Variants in KPRP observed in about 807,000 individuals in gnomAD.
KPRP encodes keratinocyte proline-rich protein.
For missense variants in KPRP, 820 were observed against 746.4 expected (o/e 1.10, Z -1.15); for synonymous variants, 282 against 276.9 (o/e 1.02, Z -0.18).
At chr1:152,760,926 AGTTCCC>A (rs2101563800) in exon 1 of KPRP, 1 of 1,613,572 alleles carries the variant, frequency 6.2e-7, no homozygotes. Context: ...CACCGCGGCC[AGTTCCC>A]CTTCCTCGCC....
exon 1 of KPRP, chr1:152,761,414 A>G: frequency 6.7e-7 from 1 of 1,497,456 alleles, no homozygotes; most frequent in Non-Finnish European, 8.9e-7. Flanking sequence ...TCTTGTTTGA[A>G]TCTCTCCAAA....
At position 152,760,853 on chromosome 1, in the gene KPRP, C is replaced by CTCTA; in HGVS notation, c.1266_1269dup (p.Pro424SerfsTer34). The CTCTA allele has an allele frequency of 6.2e-7, 1 of 1,614,178 alleles. No individual in the cohort carries two copies. ...ATAAGTCTAGAACCACGCCCGCGTC[C>CTCTA]TCTACCACGACAACTTTCAGAACCT... On this transcript the variant is annotated frameshift_variant, in exon 1 of 1. Transcript: ENST00000606109. LOFTEE classifies it low-confidence loss of function (END_TRUNC).
At position 152,761,119 on chromosome 1, in the gene KPRP, G is replaced by A. The variant is rs1289906978; in HGVS notation, c.1531G>A (p.Gly511Arg). The A allele has an allele frequency of 2.5e-6, 4 of 1,614,048 alleles. No homozygotes were observed. Among genetic ancestry groups the A allele is most frequent in the Non-Finnish European group, 3.4e-6 (4 of 1,180,040 alleles). The change falls in exon 1 of 1, where the codon GGA (glycine) becomes AGA (arginine). Residue 511 changes from glycine (G) to arginine (R), a missense_variant. Physicochemically the swap from Gly to Arg is moderately radical, Grantham distance 125. Transcript: ENST00000606109. ...GGGCCCAAATCCAGTTCCATACCCAGGAGACCTAGGCTGTCATGAGTCTAG... is the reference window on the plus strand; with the variant it reads ...GGGCCCAAATCCAGTTCCATACCCAAGAGACCTAGGCTGTCATGAGTCTAG...
chr1:152,761,259 G>A, exon 1 of KPRP: 1 of 1,614,198 alleles, frequency 6.2e-7, no homozygotes, highest in Non-Finnish European at 8.5e-7. Context: ...GGAGGGGTCA[G>A]GATGGCCATG....
chr1:152,760,467 C>G (rs1316225986), exon 1 of KPRP: 13 of 1,613,684 alleles, frequency 8.1e-6, no homozygotes, highest in Non-Finnish European at 1.1e-5. Context: ...GTTTCCCTAA[C>G]TACTGCACCC....
chr1:152,759,642 C>A, exon 1 of KPRP: 1 of 1,614,152 alleles, frequency 6.2e-7, no homozygotes, highest in Non-Finnish European at 8.5e-7. Context: ...AGTGCTGCGT[C>A]AAGGGTCCCT....
At chr1:152,761,253 G>T (rs1221136037) in exon 1 of KPRP, 1 of 1,614,216 alleles carries the variant, frequency 6.2e-7, no homozygotes, top group Non-Finnish European at 8.5e-7. Context: ...CAGAGCGGAG[G>T]GGTCAGGATG....
upstream of KPRP, among the ~76,000 whole-genome samples, chr1:152,759,315 C>T (rs1651031356): frequency 6.6e-6 from 1 of 152,136 alleles, no homozygotes; most frequent in Admixed American, 6.5e-5. Flanking sequence ...CATCAGTGCC[C>T]TCTTTTCTGG....
At chr1:152,760,440 A>G in exon 1 of KPRP, 18 of 1,613,374 alleles carry the variant, frequency 1.1e-5, no homozygotes, top group Non-Finnish European at 1.5e-5. Flanking sequence ...GCTACCTGCC[A>G]CTAAGACCCT....
At position 152,760,350 on chromosome 1, in the gene KPRP, A is replaced by G. The variant is rs778421813; in HGVS notation, c.762A>G (p.Arg254=). The G allele has an allele frequency of 5.0e-6, 8 of 1,614,036 alleles. No homozygotes were observed. In the South Asian group the frequency reaches 5.5e-5, roughly 11 times the overall value. Residue 254 remains arginine, a synonymous_variant, in exon 1 of 1, where the codon AGA becomes AGG. Transcript: ENST00000606109. Reference sequence around the variant, plus strand: ...AGCACCGCTCTCGGAGCACCAGCAGATGCCTTCCTCCTCCTCGGCGGCTGC... The same window carrying G: ...AGCACCGCTCTCGGAGCACCAGCAGGTGCCTTCCTCCTCCTCGGCGGCTGC...
chr1:152,761,301 AG>A lies in KPRP; in HGVS notation c.1717del (p.Glu573LysfsTer36). The A allele has an allele frequency of 6.2e-7, 1 of 1,613,946 alleles. No individual in the cohort carries two copies. Among genetic ancestry groups the A allele is most frequent in the Non-Finnish European group, 8.5e-7 (1 of 1,179,886 alleles). The stretch of plus-strand genomic sequence containing the variant: ...AAGGCAATGCCTTTGCTGGAGTGAA[AG>A]GGGAAGCAAAGAGTGCTTATTTTTA... On this transcript the variant is annotated frameshift_variant, in exon 1 of 1. Transcript: ENST00000606109. LOFTEE classifies it high-confidence loss of function.
At chr1:152,760,702 C>T (rs1221537778) in exon 1 of KPRP, 2 of 1,613,580 alleles carry the variant, frequency 1.2e-6, no homozygotes, top group Non-Finnish European at 1.7e-6. Flanking sequence ...TGAGCTGAGG[C>T]CACACGTAGA....
upstream of KPRP, among the ~76,000 whole-genome samples, chr1:152,758,881 T>C (rs551974288): frequency 1.3e-4 from 20 of 152,334 alleles, no homozygotes; most frequent in African/African-American, 4.8e-4. Flanking sequence ...GCTGGTGTGT[T>C]TTGCATGGGC....
exon 1 of KPRP, chr1:152,761,698 C>T: frequency 4.5e-6 from 1 of 220,350 alleles, no homozygotes; most frequent in Non-Finnish European, 9.9e-6. Flanking sequence ...TGAAATCCAC[C>T]CCATCTTTCA....
At chr1:152,760,562 G>A (rs1365832943) in exon 1 of KPRP, 4 of 1,609,528 alleles carry the variant, frequency 2.5e-6, no homozygotes, top group Non-Finnish European at 3.4e-6. Flanking sequence ...GGCCCCAAGT[G>A]CCGAATCGAG....
rs147534038 is a variant in KPRP, at chr1:152,760,358, C to G, written c.770C>G (p.Pro257Arg). ...TCTCGGAGCACCAGCAGATGCCTTC[C>G]TCCTCCTCGGCGGCTGCAGCTTTTC... The change falls in exon 1 of 1, where the codon CCT becomes CGT. Residue 257 changes from proline to arginine, a missense_variant. Pro to Arg is a moderately radical substitution (Grantham distance 103, BLOSUM62 -2). Coordinates refer to ENST00000606109, the Ensembl canonical transcript of KPRP. 3.8e-5 allele frequency: 62 copies of G among 1,614,198 alleles called. No individual in the cohort carries two copies. In the African/African-American group the frequency reaches 7.6e-4, roughly 20 times the overall value.
chr1:152,758,141 A>G (rs371589038), upstream of KPRP, among the ~76,000 whole-genome samples: 1 of 152,176 alleles, frequency 6.6e-6, no homozygotes, highest in Non-Finnish European at 1.5e-5. Context: ...TGAGGCACAA[A>G]GAAGGGAGAA....
chr1:152,758,374 G>C (rs576155613), upstream of KPRP, among the ~76,000 whole-genome samples: 43 of 152,312 alleles, frequency 2.8e-4, no homozygotes, highest in Admixed American at 1.1e-3. Context: ...GCAAAGTTGT[G>C]TGTGGAAGGG....
upstream of KPRP, chr1:152,759,549 C>T (rs758102747): frequency 1.3e-6 from 2 of 1,589,672 alleles, no homozygotes; most frequent in South Asian, 1.2e-5. Context: ...ACCCTGGTCT[C>T]TTTGCCCTCA....
Sources: gnomAD v4.1 joint callset for allele counts (sites outside exome capture counted in the v4.1 genomes callset) on GRCh38, gnomAD v4.1.1 for gene constraint, MANE v1.5 for transcripts, NCBI Gene and HGNC (gene_info 2026-07-23, HGNC 2026-07-21) for gene names.